DLGAP1: variants seen among roughly 807,000 people sequenced by gnomAD.
DLGAP1 encodes the protein DLG associated protein 1.
DLGAP1 carries 11 observed loss-of-function variants against 90.8 expected under a neutral mutation model. The ratio of observed to expected loss-of-function variants is 0.12; its 90% CI spans 0.08 to 0.20. The LOEUF (loss-of-function observed/expected upper bound fraction) is 0.20. Ranked by LOEUF, DLGAP1 falls within the 10% of genes least tolerant of loss-of-function variation. DLGAP1 has a pLI of 1.00. For synonymous variants in DLGAP1, 558 were observed against 540.7 expected (o/e 1.03, Z -0.44); for missense variants, 1,050 against 1,333.8 (o/e 0.79, Z 3.31).
chr18:3,850,610 CG>C (rs2069282718), intron 4 of DLGAP1, among the ~76,000 whole-genome samples: 1 of 152,026 alleles, frequency 6.6e-6, no homozygotes, highest in Non-Finnish European at 1.5e-5. Context: ...TTAAAAGAAA[CG>C]GTGGTGGCAA....
intron 7 of DLGAP1, among the ~76,000 whole-genome samples, chr18:3,712,155 G>GC (rs2061615687): frequency 6.6e-6 from 1 of 152,306 alleles, no homozygotes; most frequent in East Asian, 1.9e-4. Flanking sequence ...GGATCTCACT[G>GC]CACTTTTTGC....
intron 1 of DLGAP1, among the ~76,000 whole-genome samples, chr18:4,411,061 T>TG (rs1209206584): frequency 6.6e-6 from 1 of 152,216 alleles, no homozygotes; most frequent in Admixed American, 6.5e-5. Flanking sequence ...CGGGTTTGGC[T>TG]GAGGCCTTTG....
chr18:4,384,804 T>G (rs2082197629), intron 1 of DLGAP1, among the ~76,000 whole-genome samples: 1 of 152,050 alleles, frequency 6.6e-6, no homozygotes, highest in Non-Finnish European at 1.5e-5. Flanking sequence ...AACAAAAATC[T>G]ATCTTATTCA....
At chr18:3,911,048 G>A (rs973290102) in intron 3 of DLGAP1, among the ~76,000 whole-genome samples, 4 of 152,198 alleles carry the variant, frequency 2.6e-5, no homozygotes, top group Admixed American at 2.0e-4. Context: ...GCTGCGAGTT[G>A]AGAAAGCCTT....
chr18:3,952,100 T>A (rs2072998014), intron 3 of DLGAP1, among the ~76,000 whole-genome samples: 1 of 152,208 alleles, frequency 6.6e-6, no homozygotes, highest in Non-Finnish European at 1.5e-5. Flanking sequence ...AATGTTATAT[T>A]ACATTCTTGC....
At chr18:4,361,640 T>G (rs542675361) in intron 1 of DLGAP1, among the ~76,000 whole-genome samples, 41 of 152,168 alleles carry the variant, frequency 2.7e-4, no homozygotes, top group Non-Finnish European at 4.4e-4. Flanking sequence ...AGATCTAAAA[T>G]TATAAACCCT....
In DLGAP1 at chr18:4,269,680, C is replaced by T. The variant is rs552593046; in HGVS notation, c.-266-118393G>A. On this transcript the variant is annotated intron_variant, in intron 1 of 12. Coordinates refer to ENST00000315677, the MANE Select transcript of DLGAP1 (RefSeq NM_004746.4). ...TATTCTATTATTATTTTATTTTCAC[C>T]GAGAAATAAAAGCCATTTGAAAGGG... is the stretch of plus-strand genomic sequence containing the variant. 8.6e-5 allele frequency among the ~76,000 whole-genome samples: 13 copies of T among 151,964 alleles called. No individual in the cohort carries two copies. The East Asian group carries it at 1.9e-3, about 23-fold the overall frequency.
chr18:3,847,273 T>C (rs949876128), intron 4 of DLGAP1, among the ~76,000 whole-genome samples: 5 of 152,182 alleles, frequency 3.3e-5, no homozygotes, highest in African/African-American at 9.7e-5. Flanking sequence ...ATGAGTTTTA[T>C]ATAACACATT....
intron 3 of DLGAP1, among the ~76,000 whole-genome samples, chr18:3,906,124 A>C (rs2071900985): frequency 3.3e-5 from 5 of 152,210 alleles, no homozygotes. Context: ...GTAAGTGTGG[A>C]TAACAGGCTT....
Position 3,945,848 on chromosome 18 carries a change from TAAATATAATG to T in DLGAP1, c.-73+59258_-73+59267del, listed in dbSNP as rs570191733. On this transcript the variant is annotated intron_variant, in intron 3 of 12. Coordinates refer to ENST00000315677, the MANE Select transcript of DLGAP1 (RefSeq NM_004746.4). ...TGGTTTCAAATAATGGGGTTTCCTT[TAAATATAATG>T]AAAATATTACCATATAGTTATGGGA... 1.5e-3 allele frequency among the ~76,000 whole-genome samples: 232 copies of T among 152,332 alleles called. 1 individual carries two copies. Among genetic ancestry groups the T allele is most frequent in the African/African-American group, 5.3e-3 (222 of 41,590 alleles).
chr18:4,333,841 C>T (rs932720812), intron 1 of DLGAP1, among the ~76,000 whole-genome samples: 2 of 151,276 alleles, frequency 1.3e-5, no homozygotes, highest in African/African-American at 4.9e-5. Context: ...ACCTCGTGAT[C>T]CGCCCGCCTT....
chr18:4,405,772 G>A (rs1433695804), intron 1 of DLGAP1, among the ~76,000 whole-genome samples: 2 of 152,156 alleles, frequency 1.3e-5, no homozygotes, highest in Non-Finnish European at 2.9e-5. Context: ...AGAATCACTG[G>A]TGCCACCAAC....
At chr18:4,380,227 T>C (rs879935215) in intron 1 of DLGAP1, among the ~76,000 whole-genome samples, 19 of 152,290 alleles carry the variant, frequency 1.2e-4, no homozygotes, top group East Asian at 3.9e-4. Context: ...TATCACTTAC[T>C]GGAAAATAAA....
chr18:3,827,334 G>C (rs2067774352), intron 4 of DLGAP1, among the ~76,000 whole-genome samples: 1 of 152,148 alleles, frequency 6.6e-6, no homozygotes, highest in Admixed American at 6.5e-5. Flanking sequence ...CCACAAACTA[G>C]GCAGGCTTAA....
chr18:3,980,635 G>A (rs991563559), intron 3 of DLGAP1, among the ~76,000 whole-genome samples: 8 of 152,108 alleles, frequency 5.3e-5, no homozygotes, highest in African/African-American at 1.9e-4. Flanking sequence ...AAACCAAAAC[G>A]CTCAGCAATT....
intron 1 of DLGAP1, among the ~76,000 whole-genome samples, chr18:4,224,049 C>T (rs1415650161): frequency 6.6e-6 from 1 of 152,166 alleles, no homozygotes; most frequent in African/African-American, 2.4e-5. Flanking sequence ...TCATTCCAGG[C>T]CCTAACTCCT....
At chr18:4,436,957 G>A (rs554864943) in intron 1 of DLGAP1, among the ~76,000 whole-genome samples, 2 of 152,116 alleles carry the variant, frequency 1.3e-5, no homozygotes, top group Non-Finnish European at 2.9e-5. Context: ...TTCCTAGAAG[G>A]TTTAATTTAC....
rs1555668846 is a variant in DLGAP1 at position 3,527,410 on chromosome 18, C to CTGTTTTTTTTTTTTTT, written c.2479+6783_2479+6784insAAAAAAAAAAAAAACA. Reference sequence around the variant, plus strand: ...GTGAGTAAACAGGTTATTTTCCAAACTTTTTTTTTTTTTTTTTTTTTTGCC... The same window carrying CTGTTTTTTTTTTTTTT: ...GTGAGTAAACAGGTTATTTTCCAAACTGTTTTTTTTTTTTTTTTTTTTTTTTTTTTTTTTTTTTGCC... On this transcript the variant is annotated intron_variant, in intron 10 of 12. Coordinates refer to ENST00000315677, the MANE Select transcript of DLGAP1 (RefSeq NM_004746.4). Among the ~76,000 whole-genome samples, 12 of 100,694 alleles carry CTGTTTTTTTTTTTTTT rather than the reference C, an allele frequency of 1.2e-4. 3 individuals carry two copies. The highest frequency in any genetic ancestry group is 4.8e-4 in the Admixed American group (4 of 8,274). The allele number at this position is 100,694 out of a possible 152,430, so 66.1% of individuals were successfully genotyped here.
chr18:4,154,131 T>C (rs1157385585), intron 1 of DLGAP1, among the ~76,000 whole-genome samples: 1 of 152,016 alleles, frequency 6.6e-6, no homozygotes, highest in Non-Finnish European at 1.5e-5. Context: ...GGTGCGATCA[T>C]AGCTCACTGC....
Sources: gnomAD v4.1 joint callset for allele counts (sites outside exome capture counted in the v4.1 genomes callset) on GRCh38, gnomAD v4.1.1 for gene constraint, MANE v1.5 for transcripts, NCBI Gene and HGNC (gene_info 2026-07-23, HGNC 2026-07-21) for gene names.